The following CWC27 variants were observed in gnomAD, a reference collection of about 807,000 sequenced individuals.
The protein encoded by CWC27 is CWC27 spliceosome associated cyclophilin.
A neutral mutation model predicts 63.6 loss-of-function variants in CWC27; 47 were observed. The ratio of observed to expected loss-of-function variants is 0.74; its 90% CI spans 0.58 to 0.94. The LOEUF (loss-of-function observed/expected upper bound fraction) is 0.94. Among genes scored for constraint, CWC27 ranks in the 40% least tolerant of loss-of-function variants. The pLI is 0.00. For missense variants in CWC27, 495 were observed against 554.3 expected (o/e 0.89, Z 1.07); for synonymous variants, 175 against 179.8 (o/e 0.97, Z 0.22).
intron 8 of CWC27, among the ~76,000 whole-genome samples, chr5:64,800,983 G>A (rs1377490723): frequency 6.6e-6 from 1 of 152,016 alleles, no homozygotes; most frequent in Non-Finnish European, 1.5e-5. Context: ...TTTTTAGTCA[G>A]AATATTTCAA....
intron 11 of CWC27, among the ~76,000 whole-genome samples, chr5:64,898,711 TA>T (rs1244301937): frequency 6.6e-6 from 1 of 152,180 alleles, no homozygotes; most frequent in Non-Finnish European, 1.5e-5. Flanking sequence ...ATGCCATGTT[TA>T]AATAAGATTG....
intron 13 of CWC27, among the ~76,000 whole-genome samples, chr5:64,986,933 T>A (rs941151469): frequency 6.6e-6 from 1 of 152,206 alleles, no homozygotes; most frequent in African/African-American, 2.4e-5. Flanking sequence ...TTTTCCAGTT[T>A]GTTTAGCTTT....
chr5:64,875,086 CTA>C (rs150125289), intron 10 of CWC27, among the ~76,000 whole-genome samples: 1 of 151,722 alleles, frequency 6.6e-6, no homozygotes, highest in East Asian at 2.0e-4. Flanking sequence ...GCAATATCAC[CTA>C]CTGATATTAT....
chr5:65,002,679 T>C (rs1357283843), intron 13 of CWC27, among the ~76,000 whole-genome samples: 3 of 152,154 alleles, frequency 2.0e-5, no homozygotes, highest in Non-Finnish European at 4.4e-5. Flanking sequence ...TTTTTTTTAA[T>C]TTATTGAGGC....
chr5:65,003,341 G>A (rs1322608649), intron 13 of CWC27, among the ~76,000 whole-genome samples: 2 of 152,104 alleles, frequency 1.3e-5, no homozygotes, highest in East Asian at 3.8e-4. Context: ...TTTTATAGTT[G>A]TTTTGTATAT....
At chr5:64,804,013 T>A (rs1561414437) in intron 9 of CWC27, among the ~76,000 whole-genome samples, 1 of 151,980 alleles carries the variant, frequency 6.6e-6, no homozygotes, top group Non-Finnish European at 1.5e-5. Flanking sequence ...TTTCCTGGGG[T>A]ATCCCATAAT....
At chr5:64,829,111 G>A (rs1208168680) in intron 10 of CWC27, among the ~76,000 whole-genome samples, 4 of 152,278 alleles carry the variant, frequency 2.6e-5, no homozygotes, top group African/African-American at 9.6e-5. Flanking sequence ...TAACAGGATA[G>A]TTAGATTGCT....
At position 64,980,949 on chromosome 5, in the gene CWC27, G is replaced by A. The variant is rs145558770; in HGVS notation, c.1256+3711G>A. On this transcript the variant is annotated intron_variant, in intron 13 of 13. Transcript: ENST00000381070. ...TCTACTAAAAGTACAAAAATTTGCC[G>A]AGCATGGTGGCGGGTGCCTGTGGTC... 4.9e-4 allele frequency among the ~76,000 whole-genome samples: 74 copies of A among 152,166 alleles called. No individual in the cohort carries two copies. In the East Asian group the frequency reaches 0.013, roughly 27 times the overall value.
chr5:64,938,586 G>C (rs997184762), intron 11 of CWC27, among the ~76,000 whole-genome samples: 1 of 151,986 alleles, frequency 6.6e-6, no homozygotes, highest in African/African-American at 2.4e-5. Flanking sequence ...ATATGTCTTG[G>C]GGTTGTTCTT....
intron 11 of CWC27, among the ~76,000 whole-genome samples, chr5:64,963,903 C>T (rs1484379689): frequency 6.6e-6 from 1 of 152,172 alleles, no homozygotes; most frequent in African/African-American, 2.4e-5. Context: ...GTATGACTGC[C>T]TTGTCTTTTC....
chr5:64,832,890 T>C (rs558647258), intron 10 of CWC27, among the ~76,000 whole-genome samples: 22 of 151,850 alleles, frequency 1.4e-4, no homozygotes, highest in African/African-American at 5.1e-4. Context: ...TTTCCCAGGG[T>C]CCACAAACCA....
chr5:64,830,089 A>C (rs1235294787), intron 10 of CWC27, among the ~76,000 whole-genome samples: 1 of 143,770 alleles, frequency 7.0e-6, no homozygotes, highest in South Asian at 2.2e-4. Context: ...GGTTTGTTAC[A>C]TATGTATACA....
intron 11 of CWC27, among the ~76,000 whole-genome samples, chr5:64,939,674 C>T (rs1310533125): frequency 6.6e-6 from 1 of 152,220 alleles, no homozygotes; most frequent in Non-Finnish European, 1.5e-5. Context: ...CTCTTTAGAG[C>T]CAGCAGGCAG....
In CWC27 at chr5:64,786,547, C is replaced by A; in HGVS notation, c.519C>A (p.Asp173Glu). 1 of 1,571,244 alleles carries A rather than the reference C, an allele frequency of 6.4e-7. No homozygotes were observed. Among genetic ancestry groups the A allele is most frequent in the African/African-American group, 1.4e-5 (1 of 72,216 alleles). The stretch of plus-strand genomic sequence containing the variant: ...AGGTTTTGTTTAATCCTTTTGATGA[C>A]ATCATTCCAAGGGAAATTAAAAGGC... ...SCEVLFNPFD[D>E]IIPREIKRLK... is the part of the protein sequence containing the mutation. Residue 173 changes from aspartate (D) to glutamate (E), a missense_variant, in exon 6 of 14, where the codon GAC becomes GAA. Asp to Glu is a conservative substitution (Grantham distance 45). Around this residue, in one of 3 missense-constraint regions of CWC27, gnomAD observed 463 missense variants for 498.1 expected, o/e 0.93. Coordinates refer to ENST00000381070, the MANE Select transcript of CWC27 (RefSeq NM_005869.4).
At position 64,986,073 on chromosome 5, in the gene CWC27, G is replaced by T. The variant is rs141132898; in HGVS notation, c.1256+8835G>T. Among the ~76,000 whole-genome samples the T allele has an allele frequency of 3.5e-4, 53 of 152,088 alleles. No homozygotes were observed. The East Asian group carries it at 9.5e-3, about 27-fold the overall frequency. Reference sequence around the variant, plus strand: ...TTTATAAGTGGCTGACATTTCTTCTGCTTGCATTTCTCTCTCCTGCCACCA... The same window carrying T: ...TTTATAAGTGGCTGACATTTCTTCTTCTTGCATTTCTCTCTCCTGCCACCA... On this transcript the variant is annotated intron_variant, in intron 13 of 13. Coordinates refer to ENST00000381070, the MANE Select transcript of CWC27 (RefSeq NM_005869.4).
chr5:65,001,275 A>G (rs954345958), intron 13 of CWC27, among the ~76,000 whole-genome samples: 1 of 152,040 alleles, frequency 6.6e-6, no homozygotes, highest in Non-Finnish European at 1.5e-5. Context: ...AAGAGAGACA[A>G]TTTGACTTCT....
intron 11 of CWC27, among the ~76,000 whole-genome samples, chr5:64,935,612 T>C (rs1748329694): frequency 6.6e-6 from 1 of 152,226 alleles, no homozygotes; most frequent in Non-Finnish European, 1.5e-5. Flanking sequence ...ATATGAAATT[T>C]AAGGTAGTTT....
chr5:64,926,610 A>G (rs1173701795), intron 11 of CWC27, among the ~76,000 whole-genome samples: 5 of 152,164 alleles, frequency 3.3e-5, no homozygotes, highest in Admixed American at 2.0e-4. Flanking sequence ...ATGTAATGTT[A>G]AATAATGGCA....
At position 64,987,015 on chromosome 5, in the gene CWC27, C is replaced by T. The variant is rs1324108756; in HGVS notation, c.1256+9777C>T. 2.0e-5 allele frequency among the ~76,000 whole-genome samples: 3 copies of T among 152,118 alleles called. No homozygotes were observed. The South Asian group carries it at 6.2e-4, about 32-fold the overall frequency. Reference sequence around the variant, plus strand: ...TTAGAAGTGAAACCAGAAGTGCCCTCCCTTTTTTATTCTTCAGTTTCCTCT... The same window carrying T: ...TTAGAAGTGAAACCAGAAGTGCCCTTCCTTTTTTATTCTTCAGTTTCCTCT... On this transcript the variant is annotated intron_variant, in intron 13 of 13. Coordinates refer to ENST00000381070, the MANE Select transcript of CWC27 (RefSeq NM_005869.4).
Sources: allele counts gnomAD v4.1 joint callset (sites outside exome capture counted in the v4.1 genomes callset), GRCh38; gene constraint gnomAD v4.1.1; regional missense constraint gnomAD v4.1.1; transcripts MANE v1.5; gene names NCBI Gene and HGNC (gene_info 2026-07-23, HGNC 2026-07-21).